Variants in KLHL7 observed in about 807,000 individuals in gnomAD.
The protein encoded by KLHL7 is kelch-like protein 7.
KLHL7 carries 44 observed loss-of-function variants against 67.4 expected under a neutral mutation model. The ratio of observed to expected loss-of-function variants is 0.65; its 90% CI spans 0.51 to 0.84. The LOEUF (loss-of-function observed/expected upper bound fraction) is 0.84. Among genes scored for constraint, KLHL7 ranks in the 40% least tolerant of loss-of-function variants. The pLI is 0.00. For synonymous variants in KLHL7, 252 were observed against 243.3 expected (o/e 1.04, Z -0.33); for missense variants, 362 against 718.1 (o/e 0.50, Z 5.67).
At chr7:23,112,368 T>C (rs1455390071) in intron 1 of KLHL7, among the ~76,000 whole-genome samples, 2 of 152,222 alleles carry the variant, frequency 1.3e-5, no homozygotes, top group African/African-American at 4.8e-5. Context: ...ATATGACAAA[T>C]TGACAGGTCT....
intron 6 of KLHL7, among the ~76,000 whole-genome samples, chr7:23,146,642 G>A (rs987559308): frequency 6.7e-6 from 1 of 148,768 alleles, no homozygotes; most frequent in Non-Finnish European, 1.5e-5. Context: ...CACTTATAGA[G>A]TTCTTCTTCT....
At chr7:23,148,031 T>C (rs1313523192) in intron 6 of KLHL7, among the ~76,000 whole-genome samples, 2 of 152,242 alleles carry the variant, frequency 1.3e-5, no homozygotes, top group East Asian at 1.9e-4. Flanking sequence ...TTATCTCCTC[T>C]GCCTCATACA....
intron 7 of KLHL7, among the ~76,000 whole-genome samples, chr7:23,164,723 C>G (rs889983497): frequency 6.6e-6 from 1 of 152,148 alleles, no homozygotes; most frequent in Non-Finnish European, 1.5e-5. Context: ...CCTAAGAGAC[C>G]ATTCCTGATG....
intron 4 of KLHL7, chr7:23,129,210 C>A: frequency 4.7e-6 from 1 of 214,256 alleles, no homozygotes; most frequent in South Asian, 6.9e-5. Flanking sequence ...ATGCAGTGAT[C>A]ATGGGGGCCC....
chr7:23,162,006 CT>C (rs1784867269), intron 7 of KLHL7, among the ~76,000 whole-genome samples: 1 of 152,178 alleles, frequency 6.6e-6, no homozygotes, highest in South Asian at 2.1e-4. Context: ...AGCCATCCTG[CT>C]AACCTCCTGA....
In KLHL7 at chr7:23,167,963, TG is replaced by T; in HGVS notation, c.1307del (p.Gly436ValfsTer4). ...VEANGLIYVC[G>X]GSLGNNVSGR... is the part of the protein sequence containing the mutation. ...AAGCCAATGGCCTAATCTATGTTTG[TG>T]GTGGAAGTTTAGGAAACAATGTTTC... On this transcript the variant is annotated frameshift_variant, in exon 9 of 11. Coordinates refer to ENST00000339077, the MANE Select transcript of KLHL7 (RefSeq NM_001031710.3). LOFTEE classifies it high-confidence loss of function. 6.2e-7 allele frequency: 1 copy of T among 1,614,206 alleles called. No individual in the cohort carries two copies. Among genetic ancestry groups the T allele is most frequent in the Non-Finnish European group, 8.5e-7 (1 of 1,180,024 alleles).
intron 7 of KLHL7, among the ~76,000 whole-genome samples, chr7:23,158,621 A>C (rs1784773722): frequency 6.6e-6 from 1 of 152,246 alleles, no homozygotes; most frequent in Non-Finnish European, 1.5e-5. Context: ...TGTTTAAATA[A>C]GTAATATTTT....
intron 1 of KLHL7, among the ~76,000 whole-genome samples, chr7:23,108,133 T>C (rs1282521442): frequency 6.6e-6 from 1 of 152,238 alleles, no homozygotes; most frequent in Non-Finnish European, 1.5e-5. Context: ...ATCAGGATAA[T>C]GAGTGCCTAG....
chr7:23,117,688 C>T, intron 1 of KLHL7: 1 of 769,392 alleles, frequency 1.3e-6, no homozygotes, highest in Non-Finnish European at 2.0e-6. Context: ...CTCTGCTTTT[C>T]TGACAAATGT....
intron 1 of KLHL7, among the ~76,000 whole-genome samples, chr7:23,113,528 G>A (rs1458086571): frequency 6.6e-6 from 1 of 152,134 alleles, no homozygotes; most frequent in African/African-American, 2.4e-5. Flanking sequence ...GAATCATTAA[G>A]TATAATATTG....
chr7:23,115,446 A>G (rs1192056815), intron 1 of KLHL7, among the ~76,000 whole-genome samples: 4 of 152,190 alleles, frequency 2.6e-5, no homozygotes, highest in African/African-American at 9.6e-5. Context: ...GTTGGGAGGA[A>G]TCTTCCATGC....
At chr7:23,127,972 G>A (rs1405086409) in intron 4 of KLHL7, among the ~76,000 whole-genome samples, 1 of 150,300 alleles carries the variant, frequency 6.7e-6, no homozygotes, top group African/African-American at 2.5e-5. Flanking sequence ...AGAAATAGAA[G>A]GGAACAAATT....
At chr7:23,116,622 C>T (rs1000195971) in intron 1 of KLHL7, among the ~76,000 whole-genome samples, 3 of 152,174 alleles carry the variant, frequency 2.0e-5, no homozygotes, top group African/African-American at 7.2e-5. Context: ...ACATATTCCT[C>T]TAATGCCTTT....
At chr7:23,106,743 CT>C (rs1378460873) in intron 1 of KLHL7, 1 of 990,390 alleles carries the variant, frequency 1.0e-6, no homozygotes, top group African/African-American at 1.7e-5. Flanking sequence ...GCTCTTTGTT[CT>C]GTCCTTGGTG....
rs1323402974 is a variant in KLHL7 at position 23,117,953 on chromosome 7, A to G, written c.121-5824A>G. The G allele has an allele frequency of 3.1e-6, 5 of 1,614,114 alleles. No individual in the cohort carries two copies. The African/African-American group carries it at 5.3e-5, about 17-fold the overall frequency. ...TTGCAGAACCTTCTTGACAAGCCACATAAATCTAAAGGTTAGTCATTCCTC... is the reference window on the plus strand; with the variant it reads ...TTGCAGAACCTTCTTGACAAGCCACGTAAATCTAAAGGTTAGTCATTCCTC... On this transcript the variant is annotated intron_variant, in intron 1 of 10. Transcript: ENST00000339077.
At chr7:23,119,561 CAT>C (rs1490913169) in intron 1 of KLHL7, among the ~76,000 whole-genome samples, 5 of 152,154 alleles carry the variant, frequency 3.3e-5, no homozygotes, top group African/African-American at 4.8e-5. Context: ...CTGTGTTGCA[CAT>C]GTTACAGGTT....
At chr7:23,140,447 C>T (rs926500196) in intron 4 of KLHL7, among the ~76,000 whole-genome samples, 8 of 152,200 alleles carry the variant, frequency 5.3e-5, no homozygotes, top group Non-Finnish European at 1.2e-4. Context: ...GTCCCAACTA[C>T]TCGGGAGGCT....
chr7:23,113,441 C>T (rs1387795375), intron 1 of KLHL7, among the ~76,000 whole-genome samples: 1 of 152,138 alleles, frequency 6.6e-6, no homozygotes, highest in East Asian at 1.9e-4. Context: ...TTCTTTTGGG[C>T]CTCAAAATCT....
chr7:23,168,121 A>G, intron 9 of KLHL7, 84 bp downstream of exon 9: 2 of 1,336,490 alleles, frequency 1.5e-6, no homozygotes, highest in Middle Eastern at 2.5e-4. Context: ...GAGGAACCCA[A>G]CAGAAGAATT....
Sources: gnomAD v4.1 joint callset for allele counts (sites outside exome capture counted in the v4.1 genomes callset) on GRCh38, gnomAD v4.1.1 for gene constraint, MANE v1.5 for transcripts, NCBI Gene and HGNC (gene_info 2026-07-23, HGNC 2026-07-21) for gene names.